Variants in MAPK10 observed in about 807,000 individuals in gnomAD.
MAPK10 encodes the protein mitogen-activated protein kinase 10, also known as JNK3 alpha protein kinase.
Under a neutral mutation model 59.3 loss-of-function variants are expected in MAPK10, and 25 were observed. The observed-to-expected ratio is 0.42, with a 90% CI of 0.31 to 0.59. The LOEUF (loss-of-function observed/expected upper bound fraction) is 0.59, where lower values mean the gene tolerates loss of function less well. Ranked by LOEUF, MAPK10 falls within the 20% of genes least tolerant of loss-of-function variation. The pLI is 0.15. For missense variants in MAPK10, 351 were observed against 568.9 expected (o/e 0.62, Z 3.90); for synonymous variants, 190 against 200.5 (o/e 0.95, Z 0.44).
At chr4:86,429,498 G>A (rs146418250) in intron 1 of MAPK10, among the ~76,000 whole-genome samples, 2 of 152,124 alleles carry the variant, frequency 1.3e-5, no homozygotes, top group Non-Finnish European at 2.9e-5. Flanking sequence ...TCTAATAATT[G>A]TTTAGATTAC....
At chr4:86,102,335 T>A in intron 6 of MAPK10, 1 of 253,250 alleles carries the variant, frequency 3.9e-6, no homozygotes, top group Non-Finnish European at 7.6e-6. Context: ...TAATTTCAAA[T>A]AAGAAAAAAA....
chr4:86,390,426 C>G (rs1742042301), intron 1 of MAPK10, among the ~76,000 whole-genome samples: 1 of 152,160 alleles, frequency 6.6e-6, no homozygotes, highest in African/African-American at 2.4e-5. Context: ...TTGATGAGAA[C>G]TATAGTTCCA....
At chr4:86,440,724 G>T (rs1160028972) in intron 1 of MAPK10, among the ~76,000 whole-genome samples, 2 of 151,940 alleles carry the variant, frequency 1.3e-5, no homozygotes, top group African/African-American at 2.4e-5. Flanking sequence ...CATTTAAAAT[G>T]ATGTTTCTGG....
chr4:86,236,956 C>T (rs929793202), intron 2 of MAPK10, among the ~76,000 whole-genome samples: 9 of 152,020 alleles, frequency 5.9e-5, no homozygotes, highest in Non-Finnish European at 1.2e-4. Flanking sequence ...GTTTGCTGCA[C>T]CTGTTGACCC....
At chr4:86,231,089 C>A (rs2091464491) in intron 2 of MAPK10, among the ~76,000 whole-genome samples, 1 of 152,114 alleles carries the variant, frequency 6.6e-6, no homozygotes, top group Non-Finnish European at 1.5e-5. Context: ...AGTGAAAATG[C>A]AAGGAGGGGA....
intron 2 of MAPK10, among the ~76,000 whole-genome samples, chr4:86,196,597 T>C (rs114594401): frequency 0.085 from 12,928 of 152,116 alleles, 1,219 homozygotes; most frequent in African/African-American, 0.23. Context: ...CTTTTGTTGC[T>C]ATTGCTTTTT....
intron 1 of MAPK10, among the ~76,000 whole-genome samples, chr4:86,477,277 G>A (rs1425667677): frequency 1.3e-5 from 2 of 152,008 alleles, no homozygotes; most frequent in Non-Finnish European, 2.9e-5. Context: ...CCCAACTCTG[G>A]TGCCAATTTA....
intron 1 of MAPK10, among the ~76,000 whole-genome samples, chr4:86,443,567 C>T (rs1455732291): frequency 7.2e-5 from 11 of 152,056 alleles, no homozygotes; most frequent in Admixed American, 2.0e-4. Context: ...CGCTGAAAGA[C>T]GAGACCTAAT....
intron 2 of MAPK10, among the ~76,000 whole-genome samples, chr4:86,284,929 C>A (rs1270165921): frequency 6.6e-6 from 1 of 152,180 alleles, no homozygotes; most frequent in Non-Finnish European, 1.5e-5. Flanking sequence ...CATAGCTACT[C>A]TCAGAAAAGC....
intron 1 of MAPK10, among the ~76,000 whole-genome samples, chr4:86,516,115 C>G (rs1756644684): frequency 6.6e-6 from 1 of 151,976 alleles, no homozygotes; most frequent in Admixed American, 6.6e-5. Flanking sequence ...GCCAATTATC[C>G]CAGCACTGTT....
intron 13 of MAPK10, chr4:86,024,479 C>G (rs540634665): frequency 6.6e-6 from 1 of 152,192 alleles, no homozygotes; most frequent in Non-Finnish European, 1.5e-5. Context: ...CCATACCAGT[C>G]AGCCCCTTAT....
intron 4 of MAPK10, among the ~76,000 whole-genome samples, chr4:86,116,873 T>C (rs990789143): frequency 6.6e-6 from 1 of 152,252 alleles, no homozygotes; most frequent in Non-Finnish European, 1.5e-5. Context: ...GAGTAAATGA[T>C]GGCTATTACT....
At chr4:86,550,985 G>A (rs1043204652) in intron 1 of MAPK10, among the ~76,000 whole-genome samples, 3 of 152,202 alleles carry the variant, frequency 2.0e-5, no homozygotes, top group Non-Finnish European at 4.4e-5. Flanking sequence ...CATTTCATGA[G>A]CTAAAGCTAG....
intron 1 of MAPK10, among the ~76,000 whole-genome samples, chr4:86,544,853 C>G (rs1339235916): frequency 1.3e-5 from 2 of 151,580 alleles, no homozygotes; most frequent in African/African-American, 2.4e-5. Flanking sequence ...CCATAATATC[C>G]TTGTCTTTCA....
At chr4:86,459,158 A>G (rs1256099640) in intron 1 of MAPK10, among the ~76,000 whole-genome samples, 1 of 152,262 alleles carries the variant, frequency 6.6e-6, no homozygotes, top group African/African-American at 2.4e-5. Flanking sequence ...AACATATGAA[A>G]AAATGCTCAA....
At chr4:86,514,576 C>T (rs1289652763) in intron 1 of MAPK10, among the ~76,000 whole-genome samples, 2 of 152,136 alleles carry the variant, frequency 1.3e-5, no homozygotes, top group African/African-American at 2.4e-5. Context: ...TACACCTCTA[C>T]TCAAGTTTAC....
intron 1 of MAPK10, among the ~76,000 whole-genome samples, chr4:86,401,535 AG>A (rs1193455401): frequency 6.6e-6 from 1 of 152,208 alleles, no homozygotes; most frequent in Non-Finnish European, 1.5e-5. Context: ...AAGTCAGAAA[AG>A]CTTTACTTCC....
intron 1 of MAPK10, among the ~76,000 whole-genome samples, chr4:86,474,224 G>T (rs144330612): frequency 1.3e-5 from 2 of 152,268 alleles, no homozygotes; most frequent in East Asian, 3.9e-4. Context: ...GAATAAAGTA[G>T]CTATAAACTT....
At chr4:86,389,653 G>A (rs550660313) in intron 1 of MAPK10, among the ~76,000 whole-genome samples, 2 of 152,090 alleles carry the variant, frequency 1.3e-5, no homozygotes, top group Non-Finnish European at 2.9e-5. Flanking sequence ...ATTGTCCTGT[G>A]TTTTGTGCAA....
Sources: gnomAD v4.1 joint callset for allele counts (sites outside exome capture counted in the v4.1 genomes callset) on GRCh38, gnomAD v4.1.1 for gene constraint, MANE v1.5 for transcripts, NCBI Gene and HGNC (gene_info 2026-07-23, HGNC 2026-07-21) for gene names.